Variants in SRPK2 observed in about 807,000 individuals in gnomAD.
SRPK2 encodes SRSF protein kinase 2, also known as SFRS protein kinase 2.
In SRPK2, 21 loss-of-function variants were observed where a neutral mutation model predicts 90.8. That is an observed-to-expected ratio of 0.23 (90% CI 0.16 to 0.33). SRPK2 has a LOEUF of 0.33. Among genes scored for constraint, SRPK2 ranks in the 10% least tolerant of loss-of-function variants. The pLI is 1.00. For synonymous variants in SRPK2, 288 were observed against 311.1 expected, an observed-to-expected ratio of 0.93 and a Z score of 0.78; for missense variants, 620 against 869.0, an observed-to-expected ratio of 0.71 and a Z score of 3.60.
At chr7:105,160,287 G>T in intron 7 of SRPK2, 1 of 336,532 alleles carries the variant, frequency 3.0e-6, no homozygotes, top group Non-Finnish European at 5.4e-6. Context: ...ACGTATGCCT[G>T]ACAATTACAT....
At chr7:105,138,697 G>T (rs1446745268) in intron 11 of SRPK2, among the ~76,000 whole-genome samples, 2 of 152,140 alleles carry the variant, frequency 1.3e-5, no homozygotes, top group African/African-American at 2.4e-5. Context: ...GCTACTTGGG[G>T]GCTGAGGTGG....
chr7:105,233,093 AAGGAAGG>A (rs749750495), intron 2 of SRPK2, among the ~76,000 whole-genome samples: 12 of 47,430 alleles, frequency 2.5e-4, no homozygotes, highest in Non-Finnish European at 4.8e-4. Context: ...GGAAGGAAAG[AAGGAAGG>A]AAGGAAGGAA....
upstream of SRPK2, among the ~76,000 whole-genome samples, chr7:105,391,165 C>A (rs989679505): frequency 2.0e-5 from 3 of 151,770 alleles, no homozygotes; most frequent in East Asian, 5.8e-4. Context: ...TACTTCACAC[C>A]TACTAGGATG....
intron 2 of SRPK2, among the ~76,000 whole-genome samples, chr7:105,346,212 G>T (rs1816438613): frequency 6.6e-6 from 1 of 152,124 alleles, no homozygotes; most frequent in African/African-American, 2.4e-5. Flanking sequence ...ATTCCTGGAG[G>T]TAAGTATTTC....
At chr7:105,233,089 A>AAAGAAGG (rs1799674298) in intron 2 of SRPK2, among the ~76,000 whole-genome samples, 2 of 128,018 alleles carry the variant, frequency 1.6e-5, no homozygotes, top group Admixed American at 8.1e-5. Context: ...GAAAGGAAGG[A>AAAGAAGG]AAGAAGGAAG....
At chr7:105,354,081 G>A (rs1278194044) in intron 2 of SRPK2, among the ~76,000 whole-genome samples, 3 of 152,272 alleles carry the variant, frequency 2.0e-5, no homozygotes, top group Non-Finnish European at 2.9e-5. Flanking sequence ...CCTGGCCTTC[G>A]AGGAGCAGCC....
At chr7:105,388,414 G>T (rs1821903881) in intron 2 of SRPK2, among the ~76,000 whole-genome samples, 1 of 148,132 alleles carries the variant, frequency 6.8e-6, no homozygotes, top group Non-Finnish European at 1.5e-5. Context: ...CGGGGCGGGA[G>T]GTCGCGGGGT....
intron 15 of SRPK2, among the ~76,000 whole-genome samples, chr7:105,123,606 T>C (rs1800715505): frequency 2.0e-5 from 3 of 152,172 alleles, no homozygotes; most frequent in African/African-American, 7.2e-5. Flanking sequence ...TCCCCTATAT[T>C]ACTTATGGGA....
chr7:105,324,372 G>A (rs914980298), intron 2 of SRPK2, among the ~76,000 whole-genome samples: 6 of 151,742 alleles, frequency 4.0e-5, no homozygotes, highest in African/African-American at 1.5e-4. Context: ...GCCCAGGCTG[G>A]AGTGCAATGG....
chr7:105,365,247 G>A (rs1818888687), intron 2 of SRPK2, among the ~76,000 whole-genome samples: 1 of 152,022 alleles, frequency 6.6e-6, no homozygotes, highest in Non-Finnish European at 1.5e-5. Flanking sequence ...CAGTTTGGAA[G>A]GCTGAGGCGG....
intron 2 of SRPK2, among the ~76,000 whole-genome samples, chr7:105,294,538 TTTTG>T (rs869062473): frequency 0.012 from 1,833 of 151,342 alleles, 10 homozygotes; most frequent in Non-Finnish European, 0.017. Context: ...TTTTGTTTTG[TTTTG>T]TTTTTTTGAA....
rs535126797 is a variant in SRPK2 at position 105,267,487 on chromosome 7, T to C, written c.72-63702A>G. Among the ~76,000 whole-genome samples, 245 of 152,252 alleles carry C rather than the reference T, an allele frequency of 1.6e-3. 1 individual carries two copies. The highest frequency in any genetic ancestry group is 3.0e-3 in the Non-Finnish European group (202 of 68,008). ...TCACAAGGCTGAAGACTGTTTCTCA[T>C]CTCAGCAAACAGAATGCTTAAGATC... On this transcript the variant is annotated intron_variant, in intron 2 of 15. Transcript: ENST00000393651.
At chr7:105,370,237 G>A (rs17342493) in intron 2 of SRPK2, among the ~76,000 whole-genome samples, 64,553 of 151,810 alleles carry the variant, frequency 0.43, 15,510 homozygotes, top group Non-Finnish European at 0.54. Context: ...ATGAAACTTC[G>A]GCTTCCTGGG....
intron 2 of SRPK2, among the ~76,000 whole-genome samples, chr7:105,295,214 A>C (rs971715675): frequency 2.6e-4 from 39 of 149,746 alleles, no homozygotes; most frequent in African/African-American, 9.1e-4. Context: ...CCGTCTCAAA[A>C]AAAAAAAAAA....
chr7:105,299,611 G>C (rs1280821816), intron 2 of SRPK2, among the ~76,000 whole-genome samples: 1 of 152,198 alleles, frequency 6.6e-6, no homozygotes, highest in Non-Finnish European at 1.5e-5. Flanking sequence ...AATGGGATGA[G>C]GCCTGGTGCC....
intron 2 of SRPK2, among the ~76,000 whole-genome samples, chr7:105,291,961 G>A (rs1809087650): frequency 6.6e-6 from 1 of 152,198 alleles, no homozygotes; most frequent in Admixed American, 6.5e-5. Context: ...TTAAACAGAA[G>A]AATAACTGAA....
intron 2 of SRPK2, among the ~76,000 whole-genome samples, chr7:105,236,113 A>G (rs2129621202): frequency 6.6e-6 from 1 of 152,262 alleles, no homozygotes; most frequent in East Asian, 1.9e-4. Flanking sequence ...ATTCCATAGG[A>G]ATGGGGTAGG....
chr7:105,283,367 T>C (rs1807598035), intron 2 of SRPK2, among the ~76,000 whole-genome samples: 1 of 152,108 alleles, frequency 6.6e-6, no homozygotes, highest in African/African-American at 2.4e-5. Context: ...GCATTACTCA[T>C]AATAATCAAA....
chr7:105,301,405 C>T (rs989307885), intron 2 of SRPK2: 14 of 643,072 alleles, frequency 2.2e-5, no homozygotes, highest in African/African-American at 1.6e-4. Flanking sequence ...AAGACTGTGC[C>T]GCCCCCACAA....
Sources: allele counts gnomAD v4.1 joint callset (sites outside exome capture counted in the v4.1 genomes callset), GRCh38; gene constraint gnomAD v4.1.1; transcripts MANE v1.5; gene names NCBI Gene and HGNC (gene_info 2026-07-23, HGNC 2026-07-21).